The following ABI1 variants were observed in gnomAD, a reference collection of about 807,000 sequenced individuals.
The protein encoded by ABI1 is Abelson interactor 1.
In ABI1, 14 loss-of-function variants were observed where a neutral mutation model predicts 54.6. The observed-to-expected ratio is 0.26, with a 90% CI of 0.17 to 0.40. The LOEUF (loss-of-function observed/expected upper bound fraction) is 0.40, where lower values mean the gene tolerates loss of function less well. Ranked by LOEUF, ABI1 falls within the 10% of genes least tolerant of loss-of-function variation. The pLI is 1.00. For synonymous variants in ABI1, 194 were observed against 209.3 expected (o/e 0.93, Z 0.63); for missense variants, 443 against 598.3 (o/e 0.74, Z 2.71).
At chr10:26,827,315 A>AG (rs1307142773) in intron 1 of ABI1, among the ~76,000 whole-genome samples, 3 of 149,912 alleles carry the variant, frequency 2.0e-5, no homozygotes, top group African/African-American at 7.4e-5. Context: ...TCCTTCTCCC[A>AG]GGTTCATGCC....
chr10:26,772,714 T>C (rs1318129700), intron 3 of ABI1, among the ~76,000 whole-genome samples: 1 of 152,176 alleles, frequency 6.6e-6, no homozygotes, highest in Non-Finnish European at 1.5e-5. Context: ...GTTAGAAATC[T>C]ATAAAATTTT....
At position 26,748,462 on chromosome 10, in the gene ABI1, TC is replaced by T; in HGVS notation, c.*107del. The T allele has an allele frequency of 1.2e-6, 1 of 822,308 alleles. No homozygotes were observed. 50.9% of individuals were successfully genotyped at this position (822,308 alleles called of 1,614,324 possible). A position where few individuals can be genotyped will look rare whatever the true frequency, so the allele number is the denominator to read the frequency against. ...TCAATTTACCAATAAAACAGCATGT[TC>T]TGAAAATATGGGCACATTTTAAAAC... On this transcript the variant is annotated 3_prime_UTR_variant, in exon 11 of 11. Transcript: ENST00000376140.
rs552008554 is a variant in ABI1, at chr10:26,860,742, C to G, written c.117+5G>C. On this transcript the variant is annotated splice_donor_5th_base_variant and intron_variant, in intron 1 of 10. Transcript: ENST00000376140. This position sits in a 1 kb window ranked among gnomAD's most constrained non-coding sequence, Gnocchi z 4.1. ...CAGCGCCCGCCGGCCGCCAGAGCGC[C>G]TCACCTGTATGTAGTTGTTTTCACA... 1 of 1,612,442 alleles carries G rather than the reference C, an allele frequency of 6.2e-7. No individual in the cohort carries two copies. Among genetic ancestry groups the G allele is most frequent in the South Asian group, 1.1e-5 (1 of 91,040 alleles).
chr10:26,794,840 G>A (rs1843927810), intron 2 of ABI1, among the ~76,000 whole-genome samples: 1 of 151,992 alleles, frequency 6.6e-6, no homozygotes, highest in African/African-American at 2.4e-5. Flanking sequence ...AGCAATCTTA[G>A]ACATTAGAAG....
At chr10:26,829,631 C>T (rs12764628) in intron 1 of ABI1, among the ~76,000 whole-genome samples, 5 of 151,712 alleles carry the variant, frequency 3.3e-5, no homozygotes, top group Admixed American at 6.6e-5. Context: ...AAAAAGCCAC[C>T]GAGGAATTTT....
At chr10:26,832,831 A>C (rs2048775075) in intron 1 of ABI1, among the ~76,000 whole-genome samples, 1 of 152,152 alleles carries the variant, frequency 6.6e-6, no homozygotes, top group African/African-American at 2.4e-5. Flanking sequence ...AAAAAAGAGC[A>C]CATGGGCCAA....
intron 1 of ABI1, among the ~76,000 whole-genome samples, chr10:26,837,168 T>C (rs1279025856): frequency 1.3e-5 from 2 of 152,218 alleles, no homozygotes; most frequent in African/African-American, 4.8e-5. Flanking sequence ...ACAGACTGCA[T>C]GGCTTCAACA....
At chr10:26,819,753 T>C (rs984292398) in intron 2 of ABI1, among the ~76,000 whole-genome samples, 4 of 152,170 alleles carry the variant, frequency 2.6e-5, no homozygotes, top group Non-Finnish European at 4.4e-5. Context: ...ACAGCATCAA[T>C]CTAGGTGTCT....
At chr10:26,751,171 A>T (rs1367144701) in intron 10 of ABI1, among the ~76,000 whole-genome samples, 3 of 152,216 alleles carry the variant, frequency 2.0e-5, no homozygotes, top group African/African-American at 7.2e-5. Flanking sequence ...TCATTTTTGT[A>T]CCATCATAAA....
In ABI1 at chr10:26,748,103, A is replaced by G. The variant is rs1355436173; in HGVS notation, c.*467T>C. 4 of 210,812 alleles carry G rather than the reference A, an allele frequency of 1.9e-5. No homozygotes were observed. The highest frequency in any genetic ancestry group is 6.8e-5 in the African/African-American group (3 of 44,118). 13.1% of individuals were successfully genotyped at this position (210,812 alleles called of 1,614,324 possible). On this transcript the variant is annotated 3_prime_UTR_variant, in exon 11 of 11. Coordinates refer to ENST00000376140, the MANE Select transcript of ABI1 (RefSeq NM_001012750.3). ...TTTTTAAGTATATTTCAATACATAA[A>G]TTTTTATGCATGCTTTAAACAAACA...
chr10:26,757,216 C>G (rs1034318084), intron 8 of ABI1, among the ~76,000 whole-genome samples: 2 of 152,092 alleles, frequency 1.3e-5, no homozygotes, highest in African/African-American at 4.8e-5. Flanking sequence ...ACTACTACTA[C>G]TACTACTACA....
At chr10:26,749,300 G>A (rs952672635) in intron 10 of ABI1, among the ~76,000 whole-genome samples, 1 of 152,058 alleles carries the variant, frequency 6.6e-6, no homozygotes, top group Non-Finnish European at 1.5e-5. Flanking sequence ...CAATTCTGTG[G>A]TGTCTGTAAT....
rs552418282 is a variant in ABI1 at position 26,785,500 on chromosome 10, T to G, written c.286-8259A>C. Among the ~76,000 whole-genome samples the G allele has an allele frequency of 2.0e-5, 3 of 152,238 alleles. No individual in the cohort carries two copies. In the East Asian group the frequency reaches 5.8e-4, roughly 29 times the overall value. Reference sequence around the variant, plus strand: ...ACTTTGGGAGGCCGAGTAGGGCAGATCACCTGAGGTCAGGAGTTAGAGACC... The same window carrying G: ...ACTTTGGGAGGCCGAGTAGGGCAGAGCACCTGAGGTCAGGAGTTAGAGACC... On this transcript the variant is annotated intron_variant, in intron 2 of 10. Coordinates refer to ENST00000376140, the MANE Select transcript of ABI1 (RefSeq NM_001012750.3).
intron 2 of ABI1, among the ~76,000 whole-genome samples, chr10:26,786,467 G>T (rs181309622): frequency 1.3e-5 from 2 of 151,786 alleles, no homozygotes; most frequent in Non-Finnish European, 2.9e-5. Flanking sequence ...TGATTTGCCC[G>T]CCTCGGCCTC....
intron 2 of ABI1, among the ~76,000 whole-genome samples, chr10:26,779,648 T>C (rs148713170): frequency 2.0e-5 from 3 of 152,312 alleles, no homozygotes; most frequent in African/African-American, 7.2e-5. Flanking sequence ...TGTAGTTACA[T>C]TGCTCAGGCA....
chr10:26,858,343 T>C (rs1326281317), intron 1 of ABI1, among the ~76,000 whole-genome samples: 2 of 152,110 alleles, frequency 1.3e-5, no homozygotes. Context: ...CATCACTTTC[T>C]GAGCCTGACC....
At chr10:26,824,190 A>T (rs576046899) in intron 1 of ABI1, among the ~76,000 whole-genome samples, 10 of 152,316 alleles carry the variant, frequency 6.6e-5, no homozygotes, top group African/African-American at 2.2e-4. Flanking sequence ...TCATTATAGG[A>T]AAGAAATGCA....
chr10:26,786,892 T>C (rs774623474), intron 2 of ABI1, among the ~76,000 whole-genome samples: 1 of 152,218 alleles, frequency 6.6e-6, no homozygotes, highest in Non-Finnish European at 1.5e-5. Context: ...TGTATAAAAC[T>C]GACATTCTCT....
chr10:26,820,588 C>CT lies in ABI1; in HGVS notation c.285+2549dup, dbSNP rs34548409. 9.7e-3 allele frequency among the ~76,000 whole-genome samples: 1,343 copies of CT among 138,538 alleles called. 16 individuals carry two copies. Among genetic ancestry groups the CT allele is most frequent in the African/African-American group, 0.027 (1,012 of 37,926 alleles). 90.9% of individuals were successfully genotyped at this position (138,538 alleles called of 152,430 possible). A position where few individuals can be genotyped will look rare whatever the true frequency, so the allele number is the denominator to read the frequency against. On this transcript the variant is annotated intron_variant, in intron 2 of 10. Coordinates refer to ENST00000376140, the MANE Select transcript of ABI1 (RefSeq NM_001012750.3). The stretch of plus-strand genomic sequence containing the variant: ...AAATGTATGAGATACAGCTAATGCA[C>CT]TTTTTTTTTTTTTTTTTGAGATAGA...
Sources: gnomAD v4.1 joint callset for allele counts (sites outside exome capture counted in the v4.1 genomes callset) on GRCh38, gnomAD v4.1.1 for gene constraint, Gnocchi (gnomAD v3.1) non-coding constraint, MANE v1.5 for transcripts, NCBI Gene and HGNC (gene_info 2026-07-23, HGNC 2026-07-21) for gene names.